The following NHS variants were observed in gnomAD, a reference collection of about 807,000 sequenced individuals.
NHS encodes actin remodeling regulator NHS.
A neutral mutation model predicts 72.5 loss-of-function variants in NHS; 5 were observed. The observed-to-expected ratio is 0.07, with a 90% CI of 0.04 to 0.14. NHS has a LOEUF of 0.14. Ranked by LOEUF, NHS falls within the 10% of genes least tolerant of loss-of-function variation. NHS has a pLI of 1.00. For synonymous variants in NHS, 464 were observed against 547.7 expected (o/e 0.85, Z 2.13); for missense variants, 1,072 against 1,355.7 (o/e 0.79, Z 3.29).
intron 1 of NHS, among the ~76,000 whole-genome samples, chrX:17,541,666 A>G (rs1022071216): frequency 9.0e-6 from 1 of 110,613 alleles, no homozygotes; most frequent in Non-Finnish European, 1.9e-5. Flanking sequence ...CCCCCACTTC[A>G]GCTTTGATGG....
intron 1 of NHS, among the ~76,000 whole-genome samples, chrX:17,461,114 A>G (rs766593836): frequency 2.7e-5 from 3 of 112,268 alleles, no homozygotes; most frequent in Non-Finnish European, 5.6e-5. Flanking sequence ...CAAGGAATGT[A>G]GCATTTTATT....
intron 1 of NHS, among the ~76,000 whole-genome samples, chrX:17,519,663 G>A (rs901001913): frequency 1.8e-5 from 2 of 111,482 alleles, no homozygotes; most frequent in African/African-American, 6.5e-5. Flanking sequence ...CCAGGAAGGG[G>A]CAGGGTGGCT....
intron 1 of NHS, among the ~76,000 whole-genome samples, chrX:17,389,066 C>T (rs913361052): frequency 6.3e-5 from 7 of 111,785 alleles, no homozygotes; most frequent in South Asian, 3.8e-4. Context: ...ACTTCTCCTA[C>T]GGTCTTGTTG....
In NHS at chrX:17,687,622, G is replaced by A; in HGVS notation, c.566-120G>A. 1.2e-5 allele frequency: 10 copies of A among 804,322 alleles called. No homozygotes were observed. The South Asian group carries it at 1.8e-4, about 15-fold the overall frequency. 66.3% of individuals were successfully genotyped at this position (804,322 alleles called of 1,213,427 possible). ...CCTTGAGTTAGTTCTTAATGTGAAT[G>A]CAGTAGTCTGGACTTCCACTCCACC... On this transcript the variant is annotated intron_variant, in intron 1 of 8. Coordinates refer to ENST00000676302, the MANE Select transcript of NHS (RefSeq NM_001291867.2).
Position 17,727,485 on chromosome X carries a change from C to A in NHS, c.3379C>A (p.Pro1127Thr), listed in dbSNP as rs779802815. ...NTVGETLRSN[P>T]PPSLAITPTI... ...AGTAGGAGAAACACTGAGGTCGAAT[C>A]CTCCACCGTCCCTTGCAATTACACC... The change falls in exon 7 of 9, where the codon CCT becomes ACT. Residue 1127 changes from proline (P) to threonine (T), a missense_variant. Pro to Thr is a conservative substitution (Grantham distance 38). Transcript: ENST00000676302. 17 of 1,210,976 alleles carry A rather than the reference C, an allele frequency of 1.4e-5. No homozygotes were observed. The highest frequency in any genetic ancestry group is 1.9e-5 in the Non-Finnish European group (17 of 894,783).
chrX:17,581,346 G>A (rs942008535), intron 1 of NHS, among the ~76,000 whole-genome samples: 3 of 111,700 alleles, frequency 2.7e-5, no homozygotes, highest in Non-Finnish European at 5.6e-5. Context: ...ATGGAGGCTT[G>A]CACCCAAGAG....
chrX:17,721,742 T>G (rs2066407698), intron 5 of NHS, 109 bp downstream of exon 5: 1 of 664,795 alleles, frequency 1.5e-6, no homozygotes, highest in Non-Finnish European at 2.2e-6. Context: ...AAGTAATGCC[T>G]TTTTGTCATC....
chrX:17,686,856 C>T (rs1321408519), intron 1 of NHS: 1 of 111,547 alleles, frequency 9.0e-6, no homozygotes, highest in East Asian at 2.8e-4. Flanking sequence ...TGACAGGCTA[C>T]CCAGGTGCTT....
intron 1 of NHS, among the ~76,000 whole-genome samples, chrX:17,614,861 A>G (rs1329920135): frequency 9.2e-6 from 1 of 109,282 alleles, no homozygotes; most frequent in Non-Finnish European, 1.9e-5. Context: ...TCTTCCAAAG[A>G]GTTTGCAGTG....
At chrX:17,408,188 T>A (rs1026145812) in intron 1 of NHS, among the ~76,000 whole-genome samples, 2 of 110,505 alleles carry the variant, frequency 1.8e-5, no homozygotes, top group Non-Finnish European at 3.8e-5. Context: ...GTATTTTTTG[T>A]AGAGATGGGG....
intron 1 of NHS, among the ~76,000 whole-genome samples, chrX:17,685,276 G>A (rs1456912114): frequency 8.9e-6 from 1 of 111,752 alleles, no homozygotes; most frequent in East Asian, 2.8e-4. Context: ...AGACAGGATG[G>A]TGGCAACTGA....
intron 3 of NHS, among the ~76,000 whole-genome samples, chrX:17,697,503 T>C (rs1329792918): frequency 3.6e-5 from 4 of 111,794 alleles, no homozygotes; most frequent in African/African-American, 9.8e-5. Flanking sequence ...TCATCAAGTA[T>C]AGAAAAGCAA....
intron 1 of NHS, chrX:17,635,731 A>C (rs753891005): frequency 4.3e-6 from 3 of 700,329 alleles, no homozygotes; most frequent in Non-Finnish European, 4.3e-6. Flanking sequence ...AATGAAAGTG[A>C]GCCCTTTCAC....
chrX:17,464,855 C>T (rs760492055), intron 1 of NHS, among the ~76,000 whole-genome samples: 4 of 112,257 alleles, frequency 3.6e-5, no homozygotes, highest in African/African-American at 1.3e-4. Context: ...CTTTGGTCCA[C>T]CAGCAGCCAT....
At chrX:17,662,268 C>A (rs942675866) in intron 1 of NHS, among the ~76,000 whole-genome samples, 1 of 112,029 alleles carries the variant, frequency 8.9e-6, no homozygotes, top group African/African-American at 3.3e-5. Context: ...TAAGTGACAG[C>A]ATGAGAAGTT....
intron 1 of NHS, among the ~76,000 whole-genome samples, chrX:17,452,455 G>A (rs898251108): frequency 3.4e-4 from 38 of 110,226 alleles, no homozygotes; most frequent in Middle Eastern, 4.3e-3. Context: ...CTCCAGTGCA[G>A]TACTCCACCA....
At chrX:17,576,401 C>T (rs1390039705) in intron 1 of NHS, among the ~76,000 whole-genome samples, 1 of 111,787 alleles carries the variant, frequency 8.9e-6, no homozygotes, top group African/African-American at 3.3e-5. Context: ...CTCAGGAAGA[C>T]TGATCCAAGG....
intron 1 of NHS, among the ~76,000 whole-genome samples, chrX:17,539,976 C>T (rs1290678590): frequency 8.9e-6 from 1 of 112,299 alleles, no homozygotes; most frequent in African/African-American, 3.2e-5. Context: ...GGAACAGAGG[C>T]TTCCACTATC....
At chrX:17,557,757 C>T (rs1318962138) in intron 1 of NHS, among the ~76,000 whole-genome samples, 1 of 111,204 alleles carries the variant, frequency 9.0e-6, no homozygotes, top group Non-Finnish European at 1.9e-5. Flanking sequence ...GTTGGCAGGC[C>T]TCAGAAGGTC....
Sources: gnomAD v4.1 joint callset for allele counts (sites outside exome capture counted in the v4.1 genomes callset) on GRCh38, gnomAD v4.1.1 for gene constraint, MANE v1.5 for transcripts, NCBI Gene and HGNC (gene_info 2026-07-23, HGNC 2026-07-21) for gene names.